The following AGPAT5 variants were observed in gnomAD, a reference collection of about 807,000 sequenced individuals.
AGPAT5 encodes 1-acyl-sn-glycerol-3-phosphate acyltransferase epsilon.
Under a neutral mutation model 45.6 loss-of-function variants are expected in AGPAT5, and 46 were observed. The ratio of observed to expected loss-of-function variants is 1.01; its 90% confidence interval spans 0.80 to 1.29. The LOEUF (loss-of-function observed/expected upper bound fraction) is 1.29, where lower values mean the gene tolerates loss of function less well. Ranked by LOEUF, AGPAT5 falls within the 50% of genes most tolerant of loss-of-function variation. AGPAT5 has a pLI of 0.00. For missense variants in AGPAT5, 673 were observed against 450.7 expected, an observed-to-expected ratio of 1.49 and a Z score of -4.47; for synonymous variants, 272 against 167.0, an observed-to-expected ratio of 1.63 and a Z score of -4.85.
At chr8:6,727,245 T>A (rs1800718686) in intron 2 of AGPAT5, among the ~76,000 whole-genome samples, 1 of 152,190 alleles carries the variant, frequency 6.6e-6, no homozygotes, top group Admixed American at 6.5e-5. Context: ...GTCTCTCTCT[T>A]CCCTTGTTTT....
At chr8:6,751,945 G>A (rs1413472564) in intron 6 of AGPAT5, among the ~76,000 whole-genome samples, 2 of 152,148 alleles carry the variant, frequency 1.3e-5, no homozygotes, top group Non-Finnish European at 2.9e-5. Flanking sequence ...TTGGGATGCT[G>A]AGGCGGGTGG....
chr8:6,745,047 C>T (rs908070890), intron 5 of AGPAT5: 1 of 152,404 alleles, frequency 6.6e-6, no homozygotes, highest in African/African-American at 2.4e-5. Flanking sequence ...TTGTTCTCTT[C>T]ACATTCAAGG....
chr8:6,709,058 C>G (rs761110089), intron 1 of AGPAT5, 171 bp downstream of exon 1: 38 of 738,870 alleles, frequency 5.1e-5, no homozygotes, highest in South Asian at 2.4e-4. Context: ...GCCGTTCTGC[C>G]GAGATCGCTC....
At chr8:6,746,822 T>C (rs550362621) in intron 5 of AGPAT5, among the ~76,000 whole-genome samples, 42 of 152,334 alleles carry the variant, frequency 2.8e-4, no homozygotes, top group South Asian at 1.5e-3. Flanking sequence ...ATGTCACTTA[T>C]TGAGAGCTAC....
At chr8:6,710,500 G>A (rs763781965) in intron 1 of AGPAT5, among the ~76,000 whole-genome samples, 21 of 152,178 alleles carry the variant, frequency 1.4e-4, no homozygotes, top group Non-Finnish European at 2.4e-4. Context: ...TTTAGGAGTC[G>A]TAGAACGAAC....
At chr8:6,731,097 A>G (rs1800847012) in intron 3 of AGPAT5, among the ~76,000 whole-genome samples, 1 of 152,020 alleles carries the variant, frequency 6.6e-6, no homozygotes, top group African/African-American at 2.4e-5. Context: ...CTTGGACTCA[A>G]GCAATCTGCC....
intron 6 of AGPAT5, among the ~76,000 whole-genome samples, chr8:6,751,352 C>G (rs994384321): frequency 6.6e-6 from 1 of 152,202 alleles, no homozygotes; most frequent in Non-Finnish European, 1.5e-5. Flanking sequence ...CAGTGTTTCT[C>G]AAAGCATTCT....
chr8:6,744,456 A>T lies in AGPAT5; in HGVS notation c.586+2705A>T, dbSNP rs149825279. Among the ~76,000 whole-genome samples, 324 of 152,304 alleles carry T rather than the reference A, an allele frequency of 2.1e-3. 1 individual carries two copies. Among genetic ancestry groups the T allele is most frequent in the African/African-American group, 7.4e-3 (308 of 41,554 alleles). Reference sequence around the variant, plus strand: ...TCTTCTCTTACATTTGAGAAGTCTGAAATGGGTCTTACTCAGCTGAAATCA... The same window carrying T: ...TCTTCTCTTACATTTGAGAAGTCTGTAATGGGTCTTACTCAGCTGAAATCA... On this transcript the variant is annotated intron_variant, in intron 5 of 7. Coordinates refer to ENST00000285518, the MANE Select transcript of AGPAT5 (RefSeq NM_018361.5).
At position 6,747,783 on chromosome 8, in the gene AGPAT5, G is replaced by T; in HGVS notation, c.700G>T (p.Gly234Trp). 2 of 1,614,130 alleles carry T rather than the reference G, an allele frequency of 1.2e-6. No homozygotes were observed. The highest frequency in any genetic ancestry group is 1.3e-5 in the African/African-American group (1 of 75,038). Residue 234 changes from glycine to tryptophan, a missense_variant, in exon 6 of 8, where the codon GGG (glycine) becomes TGG (tryptophan). Gly to Trp is a radical substitution (Grantham distance 184). Transcript: ENST00000285518. ...TTATGATGTTACGGTGGTTTATGAA[G>T]GGAAAGACGATGGAGGGCAGCGAAG... ...AIYDVTVVYEGKDDGGQRRES... is the reference protein window; with the variant it reads ...AIYDVTVVYEWKDDGGQRRES...
In AGPAT5 at chr8:6,760,093, T is replaced by G. The variant is rs1198060659; in HGVS notation, c.*2705T>G. Among the ~76,000 whole-genome samples the G allele has an allele frequency of 6.6e-6, 1 of 152,206 alleles. No homozygotes were observed. The highest frequency in any genetic ancestry group is 1.5e-5 in the Non-Finnish European group (1 of 68,040). ...TAATATGGGTTACATAAGCTTTATT[T>G]TTTCCTTTGTTCATAATTATATTCT... On this transcript the variant is annotated 3_prime_UTR_variant, in exon 8 of 8. Transcript: ENST00000285518.
At chr8:6,719,106 C>G (rs1383414169) in intron 1 of AGPAT5, among the ~76,000 whole-genome samples, 2 of 152,184 alleles carry the variant, frequency 1.3e-5, no homozygotes, top group East Asian at 1.9e-4. Context: ...TTGCATAAAT[C>G]TGGAGAAAGA....
chr8:6,721,062 C>T (rs1225205816), intron 1 of AGPAT5, among the ~76,000 whole-genome samples: 2 of 152,168 alleles, frequency 1.3e-5, no homozygotes, highest in East Asian at 1.9e-4. Flanking sequence ...CCATTTATTG[C>T]ATGATAATTG....
rs948385461 is a variant in AGPAT5 at position 6,759,857 on chromosome 8, G to T, written c.*2469G>T. 1.9e-4 allele frequency among the ~76,000 whole-genome samples: 29 copies of T among 152,200 alleles called. No homozygotes were observed. Among genetic ancestry groups the T allele is most frequent in the African/African-American group, 6.7e-4 (28 of 41,516 alleles). The stretch of plus-strand genomic sequence containing the variant: ...TTAGTTTGGTTATATAAATTCATCT[G>T]CAATTTATAAGATGCATGGCCGATG... On this transcript the variant is annotated 3_prime_UTR_variant, in exon 8 of 8. Transcript: ENST00000285518.
chr8:6,751,532 T>C (rs141353986), intron 6 of AGPAT5, among the ~76,000 whole-genome samples: 23 of 152,306 alleles, frequency 1.5e-4, no homozygotes, highest in African/African-American at 5.1e-4. Context: ...CATGAGGTCT[T>C]ATGTTGAGGA....
intron 4 of AGPAT5, among the ~76,000 whole-genome samples, chr8:6,735,448 C>A (rs889885140): frequency 6.6e-6 from 1 of 152,128 alleles, no homozygotes; most frequent in African/African-American, 2.4e-5. Context: ...TGTCTGTAGC[C>A]CAGGGGTTCG....
Position 6,758,438 on chromosome 8 carries a change from C to T in AGPAT5, c.*1050C>T, listed in dbSNP as rs904555458. ...CTTGGATCCCGTCAGTGGTGCTGCTCAGCGGCTTGCACGCAGACTTGCTAG... is the reference window on the plus strand; with the variant it reads ...CTTGGATCCCGTCAGTGGTGCTGCTTAGCGGCTTGCACGCAGACTTGCTAG... On this transcript the variant is annotated 3_prime_UTR_variant, in exon 8 of 8. Coordinates refer to ENST00000285518, the MANE Select transcript of AGPAT5 (RefSeq NM_018361.5). 1 of 152,654 alleles carries T rather than the reference C, an allele frequency of 6.6e-6. No homozygotes were observed. Among genetic ancestry groups the T allele is most frequent in the Non-Finnish European group, 1.5e-5 (1 of 68,072 alleles). 9.5% of individuals were successfully genotyped at this position (152,654 alleles called of 1,614,324 possible).
At chr8:6,749,201 G>T (rs1375492960) in intron 6 of AGPAT5, among the ~76,000 whole-genome samples, 3 of 152,140 alleles carry the variant, frequency 2.0e-5, no homozygotes, top group African/African-American at 7.2e-5. Flanking sequence ...GGTCACTCAG[G>T]TTTTAAAAGA....
chr8:6,755,309 A>G, intron 7 of AGPAT5, 135 bp downstream of exon 7: 1 of 998,962 alleles, frequency 1.0e-6, no homozygotes, highest in Non-Finnish European at 1.4e-6. Flanking sequence ...AATTTTATGC[A>G]TGTCTGATCG....
At chr8:6,720,414 T>C (rs746581546) in intron 1 of AGPAT5, among the ~76,000 whole-genome samples, 16 of 152,188 alleles carry the variant, frequency 1.1e-4, no homozygotes, top group Non-Finnish European at 1.6e-4. Flanking sequence ...GTCAGAACAG[T>C]GCTTGTCAAG....
Sources: gnomAD v4.1 joint callset for allele counts (sites outside exome capture counted in the v4.1 genomes callset) on GRCh38, gnomAD v4.1.1 for gene constraint, MANE v1.5 for transcripts, NCBI Gene and HGNC (gene_info 2026-07-23, HGNC 2026-07-21) for gene names.